The following RBPMS variants were observed in gnomAD, a reference collection of about 807,000 sequenced individuals.
The protein encoded by RBPMS is RNA-binding protein with multiple splicing.
In RBPMS, 7 loss-of-function variants were observed where a neutral mutation model predicts 26.8. The ratio of observed to expected loss-of-function variants is 0.26; its 90% CI spans 0.15 to 0.49. RBPMS has a LOEUF of 0.49. Ranked by LOEUF, RBPMS falls within the 20% of genes least tolerant of loss-of-function variation. The pLI is 0.98. For synonymous variants in RBPMS, 96 were observed against 93.3 expected, an observed-to-expected ratio of 1.03 and a Z score of -0.17; for missense variants, 186 against 250.0, an observed-to-expected ratio of 0.74 and a Z score of 1.73.
rs145961278 is a variant in RBPMS, at chr8:30,410,993, C to A, written c.66+25835C>A. Among the ~76,000 whole-genome samples the A allele has an allele frequency of 1.3e-3, 204 of 152,178 alleles. 3 individuals are homozygous for A. Among genetic ancestry groups the A allele is most frequent in the African/African-American group, 4.7e-3 (197 of 41,532 alleles). On this transcript the variant is annotated intron_variant, in intron 1 of 8. Coordinates refer to ENST00000397323, the MANE Select transcript of RBPMS (RefSeq NM_001008710.3). ...GGGCTCTAGTGATCATCTGCCTTGG[C>A]CTTTCAAGACGCTGGGATTACAGGT... is the stretch of plus-strand genomic sequence containing the variant.
chr8:30,478,797 C>T (rs1817978488), intron 3 of RBPMS, among the ~76,000 whole-genome samples: 1 of 152,196 alleles, frequency 6.6e-6, no homozygotes, highest in Non-Finnish European at 1.5e-5. Context: ...CCTGCCCAGC[C>T]AGCACAGGAT....
intron 1 of RBPMS, among the ~76,000 whole-genome samples, chr8:30,439,812 C>T (rs1345302067): frequency 1.3e-5 from 2 of 152,096 alleles, no homozygotes; most frequent in South Asian, 4.1e-4. Flanking sequence ...CCACTTTGCT[C>T]AGCTAATTTT....
At chr8:30,544,752 TC>T in intron 6 of RBPMS, 128 bp downstream of exon 6, 1 of 1,599,270 alleles carries the variant, frequency 6.3e-7, no homozygotes, top group Non-Finnish European at 8.5e-7. Flanking sequence ...AGATTAATGA[TC>T]CCCTCTAAAT....
intron 5 of RBPMS, among the ~76,000 whole-genome samples, chr8:30,529,183 C>A (rs1823924287): frequency 6.6e-6 from 1 of 151,554 alleles, no homozygotes; most frequent in South Asian, 2.1e-4. Context: ...TGCGCCACTG[C>A]ATCCAGCCTG....
At chr8:30,413,548 A>AT (rs1025828390) in intron 1 of RBPMS, among the ~76,000 whole-genome samples, 2 of 152,256 alleles carry the variant, frequency 1.3e-5, no homozygotes, top group Non-Finnish European at 2.9e-5. Flanking sequence ...ATCCTGTAAG[A>AT]TAAATACCAA....
chr8:30,437,999 A>G (rs554711205), intron 1 of RBPMS, among the ~76,000 whole-genome samples: 9 of 152,278 alleles, frequency 5.9e-5, no homozygotes, highest in African/African-American at 2.2e-4. Flanking sequence ...TACTTAGGAA[A>G]TGATTTATCT....
chr8:30,408,744 A>G (rs1808941308), intron 1 of RBPMS, among the ~76,000 whole-genome samples: 2 of 152,198 alleles, frequency 1.3e-5, no homozygotes, highest in Admixed American at 1.3e-4. Flanking sequence ...AAAGTGTATA[A>G]TTGAACAGTT....
chr8:30,556,013 G>C (rs1301909043), intron 6 of RBPMS: 2 of 985,334 alleles, frequency 2.0e-6, no homozygotes, highest in East Asian at 2.3e-4. Context: ...TTGGCCAGGG[G>C]GGCACTGCCC....
intron 5 of RBPMS, among the ~76,000 whole-genome samples, chr8:30,514,677 G>A (rs1209504962): frequency 7.8e-5 from 3 of 38,226 alleles, no homozygotes; most frequent in East Asian, 9.4e-4. Context: ...CCACCATGCC[G>A]GGCTTTTTTT....
chr8:30,410,624 C>CT (rs937123890), intron 1 of RBPMS, among the ~76,000 whole-genome samples: 1 of 151,204 alleles, frequency 6.6e-6, no homozygotes, highest in South Asian at 2.1e-4. Context: ...AACTGCTACT[C>CT]TTTTATATTT....
chr8:30,479,247 C>T, intron 3 of RBPMS, 68 bp from the exon 4 acceptor site: 4 of 1,154,658 alleles, frequency 3.5e-6, no homozygotes, highest in East Asian at 2.3e-5. Flanking sequence ...AGTTTGATGT[C>T]ACCCTTGACC....
intron 8 of RBPMS, among the ~76,000 whole-genome samples, chr8:30,568,645 G>A (rs534283167): frequency 2.0e-5 from 3 of 152,146 alleles, no homozygotes; most frequent in Non-Finnish European, 4.4e-5. Context: ...AAGGCCCCGC[G>A]AGGAGAACCT....
intron 5 of RBPMS, among the ~76,000 whole-genome samples, chr8:30,532,118 C>T (rs1281801116): frequency 6.6e-6 from 1 of 152,152 alleles, no homozygotes; most frequent in Non-Finnish European, 1.5e-5. Flanking sequence ...ATATAATTAA[C>T]AAAGCTCTAT....
At chr8:30,486,006 T>G (rs1020390924) in intron 4 of RBPMS, among the ~76,000 whole-genome samples, 2 of 152,234 alleles carry the variant, frequency 1.3e-5, no homozygotes, top group African/African-American at 2.4e-5. Flanking sequence ...AGTTGGTTAT[T>G]TGAATTTATG....
chr8:30,496,063 T>G (rs1433136820), intron 4 of RBPMS, among the ~76,000 whole-genome samples: 2 of 152,184 alleles, frequency 1.3e-5, no homozygotes, highest in East Asian at 3.8e-4. Flanking sequence ...TTCTTAACAT[T>G]GTGTGGGACT....
intron 5 of RBPMS, among the ~76,000 whole-genome samples, chr8:30,518,400 T>TTTCA (rs371995790): frequency 0.01 from 1,526 of 152,160 alleles, 25 homozygotes; most frequent in African/African-American, 0.035. Flanking sequence ...AGTATGACTT[T>TTTCA]TTCATTCATT....
At chr8:30,409,184 A>G (rs934823877) in intron 1 of RBPMS, among the ~76,000 whole-genome samples, 2 of 150,352 alleles carry the variant, frequency 1.3e-5, no homozygotes, top group Non-Finnish European at 2.9e-5. Context: ...TCTAGTGCCT[A>G]GAGCGTTTTC....
chr8:30,509,619 AT>A (rs1821382921), intron 5 of RBPMS, among the ~76,000 whole-genome samples: 1 of 152,156 alleles, frequency 6.6e-6, no homozygotes, highest in Non-Finnish European at 1.5e-5. Context: ...TGGTGCCTGC[AT>A]TTTTTCCAAG....
chr8:30,571,122 G>A lies in RBPMS; in HGVS notation c.*597G>A, dbSNP rs1261223214. On this transcript the variant is annotated 3_prime_UTR_variant, in exon 9 of 9. Coordinates refer to ENST00000397323, the MANE Select transcript of RBPMS (RefSeq NM_001008710.3). ...ATTAGTAGCATGGTGTTAGATGTTAGAAACAGAACTGTTATTTGCAGTGTT... is the reference window on the plus strand; with the variant it reads ...ATTAGTAGCATGGTGTTAGATGTTAAAAACAGAACTGTTATTTGCAGTGTT... 6.6e-6 allele frequency: 1 copy of A among 152,214 alleles called. No homozygotes were observed. The highest frequency in any genetic ancestry group is 2.4e-5 in the African/African-American group (1 of 41,446). The allele number at this position is 152,214 out of a possible 1,614,324, so 9.4% of individuals were successfully genotyped here.
Sources: allele counts gnomAD v4.1 joint callset (sites outside exome capture counted in the v4.1 genomes callset), GRCh38; gene constraint gnomAD v4.1.1; transcripts MANE v1.5; gene names NCBI Gene and HGNC (gene_info 2026-07-23, HGNC 2026-07-21).